The following SPIN1 variants were observed in gnomAD, a reference collection of about 807,000 sequenced individuals.
SPIN1 encodes the protein spindlin 1.
Under a neutral mutation model 26.0 loss-of-function variants are expected in SPIN1, and 3 were observed. That is an observed-to-expected ratio of 0.12 (90% CI 0.05 to 0.30). The LOEUF (loss-of-function observed/expected upper bound fraction) is 0.30. Among genes scored for constraint, SPIN1 ranks in the 10% least tolerant of loss-of-function variants. The pLI, the probability that SPIN1 is intolerant of heterozygous loss-of-function variation, is 1.00. For synonymous variants in SPIN1, 101 were observed against 116.5 expected, an observed-to-expected ratio of 0.87 and a Z score of 0.86; for missense variants, 126 against 333.4, an observed-to-expected ratio of 0.38 and a Z score of 4.84.
At chr9:88,441,894 C>T (rs905069972) in intron 2 of SPIN1, among the ~76,000 whole-genome samples, 1 of 147,012 alleles carries the variant, frequency 6.8e-6, no homozygotes, top group Admixed American at 6.8e-5. Flanking sequence ...ATTATTTTCA[C>T]TTATTTCTTC....
chr9:88,470,167 T>C (rs564194482), intron 5 of SPIN1, among the ~76,000 whole-genome samples: 2 of 152,348 alleles, frequency 1.3e-5, no homozygotes, highest in Non-Finnish European at 2.9e-5. Context: ...AATGGCCAAA[T>C]ACGATTCCAT....
chr9:88,432,906 C>T (rs138871421), intron 2 of SPIN1, among the ~76,000 whole-genome samples: 93 of 152,164 alleles, frequency 6.1e-4, no homozygotes, highest in African/African-American at 2.0e-3. Flanking sequence ...CCCTCTTCCT[C>T]CCCCATTTTC....
intron 1 of SPIN1, among the ~76,000 whole-genome samples, chr9:88,416,948 A>T (rs1352033505): frequency 6.6e-6 from 1 of 152,220 alleles, no homozygotes; most frequent in African/African-American, 2.4e-5. Flanking sequence ...TACACATAGA[A>T]GAGTTGAAAC....
chr9:88,453,557 A>T (rs552641362), intron 3 of SPIN1, among the ~76,000 whole-genome samples: 1 of 150,246 alleles, frequency 6.7e-6, no homozygotes, highest in African/African-American at 2.5e-5. Flanking sequence ...TTTTACCGAG[A>T]TGGAGTTTTG....
At chr9:88,448,323 C>T (rs747426710) in intron 2 of SPIN1, among the ~76,000 whole-genome samples, 2 of 152,010 alleles carry the variant, frequency 1.3e-5, no homozygotes, top group Non-Finnish European at 2.9e-5. Context: ...GGATTACAGG[C>T]GTGAGCCACT....
intron 3 of SPIN1, among the ~76,000 whole-genome samples, chr9:88,460,221 C>G (rs1828552042): frequency 6.6e-6 from 1 of 152,118 alleles, no homozygotes; most frequent in Admixed American, 6.5e-5. Context: ...TTGTTACCAT[C>G]TCTTAATTCT....
chr9:88,432,362 A>G (rs1048096161), intron 2 of SPIN1, among the ~76,000 whole-genome samples: 1 of 151,552 alleles, frequency 6.6e-6, no homozygotes, highest in African/African-American at 2.4e-5. Flanking sequence ...TAATTTTTGT[A>G]TTTTTAGTAG....
chr9:88,461,002 T>A (rs1176272269), intron 3 of SPIN1, among the ~76,000 whole-genome samples: 1 of 152,228 alleles, frequency 6.6e-6, no homozygotes, highest in Admixed American at 6.5e-5. Context: ...TGTCACATTG[T>A]TAGTCTTTTT....
chr9:88,457,740 A>G (rs1158763120), intron 3 of SPIN1: 1 of 773,794 alleles, frequency 1.3e-6, no homozygotes, highest in Non-Finnish European at 1.6e-6. Flanking sequence ...TGAGGCTTGC[A>G]AAAATCTAGC....
At chr9:88,471,654 CAAAAAAAAAA>C (rs1166469042) in intron 5 of SPIN1, among the ~76,000 whole-genome samples, 46 of 59,758 alleles carry the variant, frequency 7.7e-4, no homozygotes, top group East Asian at 1.2e-3. Context: ...GACTCTGTCT[CAAAAAAAAAA>C]AAAAAAAAAA....
intron 2 of SPIN1, among the ~76,000 whole-genome samples, chr9:88,435,693 G>A (rs1365539959): frequency 6.6e-6 from 1 of 152,034 alleles, no homozygotes. Context: ...TTACATCAGA[G>A]TTATTAACCT....
chr9:88,438,687 C>T (rs1477284198), intron 2 of SPIN1, among the ~76,000 whole-genome samples: 1 of 152,150 alleles, frequency 6.6e-6, no homozygotes, highest in Non-Finnish European at 1.5e-5. Context: ...TGTTGAAATC[C>T]ATAACCATAA....
intron 1 of SPIN1, chr9:88,410,628 A>G: frequency 9.5e-7 from 1 of 1,052,082 alleles, no homozygotes; most frequent in Admixed American, 1.7e-5. Context: ...CTCCACCACC[A>G]TAGGGGCCAG....
chr9:88,401,245 T>C (rs780481344), intron 1 of SPIN1, among the ~76,000 whole-genome samples: 1 of 152,182 alleles, frequency 6.6e-6, no homozygotes, highest in Non-Finnish European at 1.5e-5. Context: ...ATATCAGTGT[T>C]TGTGATCGAG....
chr9:88,451,964 CT>C (rs1160288372), intron 3 of SPIN1, among the ~76,000 whole-genome samples: 2 of 152,222 alleles, frequency 1.3e-5, no homozygotes, highest in African/African-American at 4.8e-5. Context: ...TCCCTCCCCC[CT>C]CCTGCAATTT....
At chr9:88,393,801 C>T (rs1045196422) in intron 1 of SPIN1, among the ~76,000 whole-genome samples, 7 of 151,794 alleles carry the variant, frequency 4.6e-5, no homozygotes, top group African/African-American at 1.7e-4. Context: ...TTCTTTCTCT[C>T]TTTAGCATCA....
chr9:88,409,496 T>TG lies in SPIN1; in HGVS notation c.-158-16883dup, dbSNP rs539872410. The stretch of plus-strand genomic sequence containing the variant: ...CAGGCATCTTAGGGAATAGGCAGTC[T>TG]GGGAACACCGTGGTTCAGTTTTAGG... On this transcript the variant is annotated intron_variant, in intron 1 of 5. Transcript: ENST00000375859. Among the ~76,000 whole-genome samples the TG allele has an allele frequency of 1.2e-4, 19 of 152,160 alleles. No homozygotes were observed. In the East Asian group the frequency reaches 3.7e-3, roughly 30 times the overall value.
At chr9:88,475,047 CTT>C (rs11320023) in intron 5 of SPIN1, 29 bp from the exon 6 acceptor site, 101,520 of 807,946 alleles carry the variant, frequency 0.13, 130 homozygotes, top group Middle Eastern at 0.14. Flanking sequence ...CTCTCTCTCT[CTT>C]TTTTTTTTTT....
chr9:88,400,211 A>G (rs949576700), intron 1 of SPIN1, among the ~76,000 whole-genome samples: 5 of 152,170 alleles, frequency 3.3e-5, no homozygotes, highest in Admixed American at 6.5e-5. Flanking sequence ...AGCAGGCCCC[A>G]GAGAGTGAGG....
Sources: gnomAD v4.1 joint callset for allele counts (sites outside exome capture counted in the v4.1 genomes callset) on GRCh38, gnomAD v4.1.1 for gene constraint, MANE v1.5 for transcripts, NCBI Gene and HGNC (gene_info 2026-07-23, HGNC 2026-07-21) for gene names.